The following WDR27 variants were observed in gnomAD, a reference collection of about 807,000 sequenced individuals.
WDR27 encodes the protein WD repeat domain 27.
In WDR27, 100 loss-of-function variants were observed where a neutral mutation model predicts 114.4. That is an observed-to-expected ratio of 0.87 (90% CI 0.74 to 1.03). The LOEUF is 1.03. Among genes scored for constraint, WDR27 ranks in the 50% least tolerant of loss-of-function variants. The pLI is 0.00. For missense variants in WDR27, 1,129 were observed against 1,092.9 expected (o/e 1.03, Z -0.47); for synonymous variants, 449 against 423.1 (o/e 1.06, Z -0.75).
chr6:169,665,759 CAATG>C (rs144603187), intron 6 of WDR27, among the ~76,000 whole-genome samples: 4,661 of 152,308 alleles, frequency 0.031, 105 homozygotes, highest in Admixed American at 0.044. Context: ...CCCATAAACA[CAATG>C]AAGGCTGGGG....
intron 25 of WDR27, among the ~76,000 whole-genome samples, chr6:169,476,455 GTTTC>G (rs1270132598): frequency 1.3e-5 from 2 of 152,182 alleles, no homozygotes; most frequent in Admixed American, 6.5e-5. Context: ...CTCACCACCT[GTTTC>G]TTTGTTTGAT....
At chr6:169,631,750 A>G (rs1379127383) in intron 21 of WDR27, among the ~76,000 whole-genome samples, 1 of 152,148 alleles carries the variant, frequency 6.6e-6, no homozygotes, top group Middle Eastern at 3.2e-3. Flanking sequence ...TCTCCCCTTT[A>G]TCCAGAAAAG....
At position 169,482,067 on chromosome 6, in the gene WDR27, C is replaced by A. The variant is rs182008954; in HGVS notation, c.2646-24433G>T. On this transcript the variant is annotated intron_variant, in intron 25 of 25. Coordinates refer to ENST00000448612, the MANE Select transcript of WDR27 (RefSeq NM_182552.5). ...TGCAGTGTTCGGTTTTCTGTTCCTG[C>A]ATCAGTTTGCTAAGGATAGTGGCCT... Among the ~76,000 whole-genome samples the A allele has an allele frequency of 2.5e-3, 377 of 152,348 alleles. 4 individuals carry two copies. Among genetic ancestry groups the A allele is most frequent in the Non-Finnish European group, 4.6e-3 (311 of 68,040 alleles).
intron 22 of WDR27, among the ~76,000 whole-genome samples, chr6:169,605,127 T>G (rs569854239): frequency 1.0e-3 from 14 of 13,602 alleles, no homozygotes; most frequent in African/African-American, 2.1e-3. Flanking sequence ...AAAAAAAAGT[T>G]TTTTTTTTTT....
At chr6:169,674,682 T>A (rs996179007) in intron 2 of WDR27, among the ~76,000 whole-genome samples, 12 of 152,172 alleles carry the variant, frequency 7.9e-5, no homozygotes, top group African/African-American at 2.9e-4. Context: ...TTTTCCAAAT[T>A]TTGATGAAAA....
At chr6:169,612,631 T>TTAAAAA (rs556504417) in intron 22 of WDR27, among the ~76,000 whole-genome samples, 1 of 97,042 alleles carries the variant, frequency 1.0e-5, no homozygotes, top group African/African-American at 4.1e-5. Flanking sequence ...CTGTCTAACA[T>TTAAAAA]AAAAAAAAAA....
At chr6:169,458,745 C>T (rs1364863488) in intron 25 of WDR27, among the ~76,000 whole-genome samples, 1 of 151,272 alleles carries the variant, frequency 6.6e-6, no homozygotes. Context: ...CAAGATCATG[C>T]CACTGCCCTC....
intron 22 of WDR27, among the ~76,000 whole-genome samples, chr6:169,610,170 T>G (rs1810173156): frequency 6.6e-6 from 1 of 152,224 alleles, no homozygotes; most frequent in South Asian, 2.1e-4. Flanking sequence ...TCCTATCCTC[T>G]GAGCCCTCCA....
At chr6:169,458,359 T>G (rs1156813817) in intron 25 of WDR27, among the ~76,000 whole-genome samples, 1 of 152,146 alleles carries the variant, frequency 6.6e-6, no homozygotes, top group African/African-American at 2.4e-5. Flanking sequence ...GAGCAGCCAT[T>G]GTTACTGTTC....
intron 24 of WDR27, among the ~76,000 whole-genome samples, chr6:169,573,628 G>A (rs1801799970): frequency 6.6e-6 from 1 of 152,224 alleles, no homozygotes; most frequent in Admixed American, 6.5e-5. Flanking sequence ...ATAGAAAATT[G>A]ATGATTGCGA....
chr6:169,553,076 G>GTGTGTA (rs1798410355), intron 25 of WDR27, among the ~76,000 whole-genome samples: 2 of 148,524 alleles, frequency 1.3e-5, no homozygotes, highest in Non-Finnish European at 3.0e-5. Context: ...GTGTGTGTGT[G>GTGTGTA]TGTGTGTGTG....
intron 20 of WDR27, 71 bp from the exon 21 acceptor site, chr6:169,633,139 T>C: frequency 7.0e-7 from 1 of 1,437,852 alleles, no homozygotes; most frequent in Non-Finnish European, 9.3e-7. Flanking sequence ...CCCTCTCTTT[T>C]ACTAATAAAA....
intron 21 of WDR27, among the ~76,000 whole-genome samples, chr6:169,617,265 C>A (rs1254277737): frequency 6.6e-6 from 1 of 152,130 alleles, no homozygotes; most frequent in African/African-American, 2.4e-5. Flanking sequence ...GTGGACTGTG[C>A]CAGATTTTAT....
chr6:169,659,138 C>G lies in WDR27; in HGVS notation c.1267G>C (p.Val423Leu), dbSNP rs35895089. Residue 423 changes from valine (V) to leucine (L), a missense_variant, in exon 12 of 26, where the codon GTC becomes CTC. By Grantham distance (32) the Val-to-Leu change is conservative. Transcript: ENST00000448612. The surrounding 1 kb of genome is among the most constrained non-coding windows in gnomAD (Gnocchi z 4.3). ...ATGCTGGGGCACTGCTGAGCCCTGA[C>G]TAGCGCGGCCGGGTTGATCTCCAAC... ...AVLEINPAAL[V>L]RAQQCPSMGQ... is the part of the protein sequence containing the mutation. 7,814 of 1,610,978 alleles carry G rather than the reference C, an allele frequency of 4.9e-3. 31 individuals carry two copies. Among genetic ancestry groups the G allele is most frequent in the African/African-American group, 6.8e-3 (506 of 74,860 alleles).
chr6:169,462,634 T>C (rs1238792481), intron 25 of WDR27, among the ~76,000 whole-genome samples: 1 of 152,198 alleles, frequency 6.6e-6, no homozygotes, highest in Non-Finnish European at 1.5e-5. Context: ...TCCTATCTCA[T>C]TCCCCCAATA....
At chr6:169,527,689 C>T (rs946154980) in intron 25 of WDR27, among the ~76,000 whole-genome samples, 15 of 152,024 alleles carry the variant, frequency 9.9e-5, no homozygotes, top group African/African-American at 3.6e-4. Flanking sequence ...AGATGAAATG[C>T]TATTTGAGAT....
intron 25 of WDR27, among the ~76,000 whole-genome samples, chr6:169,523,310 TAAAGA>T (rs1049073571): frequency 1.3e-5 from 2 of 152,034 alleles, no homozygotes; most frequent in African/African-American, 4.8e-5. Flanking sequence ...AGTATTCCAT[TAAAGA>T]AAAGCCCACA....
intron 25 of WDR27, among the ~76,000 whole-genome samples, chr6:169,571,036 A>G (rs1801328036): frequency 6.6e-6 from 1 of 152,204 alleles, no homozygotes; most frequent in Admixed American, 6.5e-5. Context: ...GTTCTTAGAA[A>G]GAAATAGTGC....
intron 2 of WDR27, among the ~76,000 whole-genome samples, chr6:169,682,366 G>C (rs1398414841): frequency 1.3e-5 from 2 of 152,224 alleles, no homozygotes; most frequent in Non-Finnish European, 2.9e-5. Flanking sequence ...CACTAGGACA[G>C]CATTCTGGAC....
Sources: allele counts gnomAD v4.1 joint callset (sites outside exome capture counted in the v4.1 genomes callset), GRCh38; gene constraint gnomAD v4.1.1; non-coding constraint Gnocchi (gnomAD v3.1); transcripts MANE v1.5; gene names NCBI Gene and HGNC (gene_info 2026-07-23, HGNC 2026-07-21).